NECAB1: variants seen among roughly 807,000 people sequenced by gnomAD.
The protein encoded by NECAB1 is N-terminal EF-hand calcium-binding protein 1.
A neutral mutation model predicts 57.5 loss-of-function variants in NECAB1; 29 were observed. The observed-to-expected ratio is 0.50, with a 90% CI of 0.38 to 0.69. NECAB1 has a LOEUF of 0.69. Ranked by LOEUF, NECAB1 falls within the 30% of genes least tolerant of loss-of-function variation. The pLI, the probability that NECAB1 is intolerant of heterozygous loss-of-function variation, is 0.00. For missense variants in NECAB1, 372 were observed against 413.8 expected (o/e 0.90, Z 0.88); for synonymous variants, 142 against 147.7 (o/e 0.96, Z 0.28).
At position 90,917,840 on chromosome 8, in the gene NECAB1, C is replaced by CTATATATATATATA. The variant is rs34288387; in HGVS notation, c.494+230_494+243dup. On this transcript the variant is annotated intron_variant, in intron 6 of 12. Coordinates refer to ENST00000417640, the MANE Select transcript of NECAB1 (RefSeq NM_022351.5). ...CTTTTACTGTCAGTCATTTAGTAAA[C>CTATATATATATATA]TATATATATATATATATATATATAT... 2.3e-3 allele frequency among the ~76,000 whole-genome samples: 107 copies of CTATATATATATATA among 47,292 alleles called. 2 individuals are homozygous for CTATATATATATATA. Among genetic ancestry groups the CTATATATATATATA allele is most frequent in the African/African-American group, 0.01 (78 of 7,442 alleles). 31.0% of individuals were successfully genotyped at this position (47,292 alleles called of 152,430 possible).
intron 4 of NECAB1, among the ~76,000 whole-genome samples, chr8:90,878,968 G>A (rs1209775899): frequency 7.1e-6 from 1 of 141,104 alleles, no homozygotes; most frequent in Non-Finnish European, 1.5e-5. Context: ...ACTAATCACT[G>A]TCTCTCTCTC....
At chr8:90,945,452 G>A (rs752668259) in intron 10 of NECAB1, among the ~76,000 whole-genome samples, 3 of 152,004 alleles carry the variant, frequency 2.0e-5, no homozygotes, top group African/African-American at 4.8e-5. Flanking sequence ...CGCCCACCTC[G>A]GCCTCCCAAA....
At chr8:90,855,965 G>A (rs753602446) in intron 3 of NECAB1, among the ~76,000 whole-genome samples, 3 of 152,100 alleles carry the variant, frequency 2.0e-5, no homozygotes, top group African/African-American at 7.2e-5. Context: ...ATATATGTTT[G>A]GGGGTAGGTA....
At chr8:90,847,987 C>T (rs959167449) in intron 3 of NECAB1, among the ~76,000 whole-genome samples, 4 of 152,240 alleles carry the variant, frequency 2.6e-5, no homozygotes, top group Admixed American at 2.6e-4. Flanking sequence ...CTCCTTGTTA[C>T]TTATGCAAAT....
chr8:90,932,515 A>G (rs550782222), intron 8 of NECAB1, among the ~76,000 whole-genome samples: 21 of 152,324 alleles, frequency 1.4e-4, no homozygotes, highest in Non-Finnish European at 2.6e-4. Flanking sequence ...GAAAACTCCA[A>G]ATGAGTGGTC....
At chr8:90,805,592 C>T (rs1372289878) in intron 2 of NECAB1, among the ~76,000 whole-genome samples, 3 of 151,210 alleles carry the variant, frequency 2.0e-5, no homozygotes, top group African/African-American at 7.3e-5. Context: ...GATGCTAGTG[C>T]TTTGAGCCAA....
intron 5 of NECAB1, among the ~76,000 whole-genome samples, chr8:90,905,915 A>G (rs555196033): frequency 3.3e-5 from 5 of 152,270 alleles, no homozygotes; most frequent in African/African-American, 1.2e-4. Flanking sequence ...GGAAGTTCTT[A>G]CTGCCTCTTT....
chr8:90,813,230 TATATACACACACAC>T (rs1223672249), intron 2 of NECAB1: 43 of 138,636 alleles, frequency 3.1e-4, no homozygotes, highest in Middle Eastern at 4.0e-3. Context: ...TATATATGTA[TATATACACACACAC>T]ACACACACAC....
At chr8:90,830,939 C>T (rs1032414772) in intron 3 of NECAB1, among the ~76,000 whole-genome samples, 3 of 152,094 alleles carry the variant, frequency 2.0e-5, no homozygotes, top group Non-Finnish European at 4.4e-5. Flanking sequence ...ATGTGAGTGA[C>T]AGAAACAAAT....
intron 1 of NECAB1, among the ~76,000 whole-genome samples, chr8:90,798,193 C>T (rs918695883): frequency 2.0e-5 from 3 of 152,192 alleles, no homozygotes; most frequent in African/African-American, 7.2e-5. Context: ...CTGAATTTCT[C>T]TCCTTGTAAG....
At chr8:90,883,305 G>A (rs1469033158) in intron 5 of NECAB1, among the ~76,000 whole-genome samples, 2 of 152,142 alleles carry the variant, frequency 1.3e-5, no homozygotes, top group African/African-American at 4.8e-5. Flanking sequence ...AAGCCCCTTT[G>A]TGTAATAGCT....
chr8:90,841,039 C>T (rs1563501769), intron 3 of NECAB1, among the ~76,000 whole-genome samples: 1 of 151,040 alleles, frequency 6.6e-6, no homozygotes, highest in Non-Finnish European at 1.5e-5. Flanking sequence ...GGGCGGATCA[C>T]GAGGTCAGGA....
At chr8:90,794,295 A>G (rs1811624044) in intron 1 of NECAB1, among the ~76,000 whole-genome samples, 1 of 152,230 alleles carries the variant, frequency 6.6e-6, no homozygotes, top group African/African-American at 2.4e-5. Context: ...TAAAATATAC[A>G]TGCATCACTT....
At chr8:90,955,115 T>A (rs1012423687) in intron 12 of NECAB1, among the ~76,000 whole-genome samples, 29 of 69,552 alleles carry the variant, frequency 4.2e-4, no homozygotes, top group African/African-American at 3.2e-3. Context: ...ATATAAATTA[T>A]ATATATATAT....
intron 12 of NECAB1, among the ~76,000 whole-genome samples, chr8:90,954,681 A>G (rs1291287135): frequency 6.6e-6 from 1 of 151,766 alleles, no homozygotes; most frequent in African/African-American, 2.4e-5. Flanking sequence ...ACATACAGAT[A>G]TACTAAAATA....
intron 8 of NECAB1, among the ~76,000 whole-genome samples, chr8:90,928,932 C>T (rs1810342271): frequency 6.6e-6 from 1 of 152,016 alleles, no homozygotes; most frequent in Non-Finnish European, 1.5e-5. Flanking sequence ...TCTCCTTAAA[C>T]ATCTTTGATA....
chr8:90,860,687 G>C (rs996798375), intron 3 of NECAB1, among the ~76,000 whole-genome samples: 1 of 152,120 alleles, frequency 6.6e-6, no homozygotes, highest in Non-Finnish European at 1.5e-5. Context: ...ATGCAGAAAA[G>C]GCTAAGAATT....
At chr8:90,797,371 G>T (rs1253188656) in intron 1 of NECAB1, among the ~76,000 whole-genome samples, 1 of 152,134 alleles carries the variant, frequency 6.6e-6, no homozygotes, top group Non-Finnish European at 1.5e-5. Context: ...ACACATTGTG[G>T]CAATGATTAG....
At chr8:90,924,060 A>G (rs1019582938) in intron 6 of NECAB1, among the ~76,000 whole-genome samples, 1 of 152,238 alleles carries the variant, frequency 6.6e-6, no homozygotes, top group Non-Finnish European at 1.5e-5. Context: ...ATCATTATGA[A>G]GTTTCACAAT....
Sources: gnomAD v4.1 joint callset for allele counts (sites outside exome capture counted in the v4.1 genomes callset) on GRCh38, gnomAD v4.1.1 for gene constraint, MANE v1.5 for transcripts, NCBI Gene and HGNC (gene_info 2026-07-23, HGNC 2026-07-21) for gene names.